Variants in SCFD1 observed in about 807,000 individuals in gnomAD.
SCFD1 encodes sec1 family domain-containing protein 1.
In SCFD1, 37 loss-of-function variants were observed where a neutral mutation model predicts 103.2. That is an observed-to-expected ratio of 0.36 (90% CI 0.28 to 0.47). The LOEUF is 0.47. Among genes scored for constraint, SCFD1 ranks in the 20% least tolerant of loss-of-function variants. The pLI, the probability that SCFD1 is intolerant of heterozygous loss-of-function variation, is 1.00. For synonymous variants in SCFD1, 264 were observed against 245.0 expected (o/e 1.08, Z -0.73); for missense variants, 639 against 761.2 (o/e 0.84, Z 1.89).
rs1421112658 is a variant in SCFD1, at chr14:30,721,885, T to C, written c.1738T>C (p.Ser580Pro). The C allele has an allele frequency of 1.2e-6, 2 of 1,608,394 alleles. No individual in the cohort carries two copies. Among genetic ancestry groups the C allele is most frequent in the Non-Finnish European group, 1.7e-6 (2 of 1,176,174 alleles). ...CATTACGGTTTTTCTTTATTACAGC[T>C]CAGTTCCCAGAAATAAAAATCCATT... Reference protein sequence around the residue: ...DPKMLRGNDSSVPRNKNPFQE... With the variant: ...DPKMLRGNDSPVPRNKNPFQE... The change falls in exon 22 of 25, where the codon TCA becomes CCA. Residue 580 changes from serine to proline, a missense_variant and splice_region_variant. Coordinates refer to ENST00000458591, the MANE Select transcript of SCFD1 (RefSeq NM_016106.4).
intron 15 of SCFD1, among the ~76,000 whole-genome samples, chr14:30,695,447 G>T (rs555642999): frequency 6.6e-6 from 1 of 152,134 alleles, no homozygotes; most frequent in Non-Finnish European, 1.5e-5. Flanking sequence ...TCTCACTCAT[G>T]TGGAAGCTTA....
intron 4 of SCFD1, 65 bp from the exon 5 acceptor site, chr14:30,638,060 G>T: frequency 6.9e-7 from 1 of 1,444,560 alleles, no homozygotes; most frequent in South Asian, 1.5e-5. Context: ...CCTTATAGTA[G>T]TTGAAACATA....
chr14:30,661,014 A>G (rs74041103), intron 10 of SCFD1, among the ~76,000 whole-genome samples: 7,544 of 152,184 alleles, frequency 0.05, 617 homozygotes, highest in African/African-American at 0.17. Flanking sequence ...AGTCTGGGCT[A>G]TTAGCGCTGT....
rs1419358610 is a variant in SCFD1 at position 30,694,863 on chromosome 14, C to T, written c.1333C>T (p.Pro445Ser). ...ATCTCTTCTAGATATAATATCAGAC[C>T]CTGATGGTATGTACCAAAAATTTGA... The part of the protein sequence containing the change: ...DKSLLDIISD[P>S]DAGTPEDKMR... The change falls in exon 15 of 25, where the codon CCT becomes TCT. Residue 445 changes from proline (P) to serine (S), a missense_variant. Pro to Ser is a moderately conservative substitution (Grantham distance 74). Coordinates refer to ENST00000458591, the MANE Select transcript of SCFD1 (RefSeq NM_016106.4). 1.3e-6 allele frequency: 2 copies of T among 1,578,528 alleles called. No homozygotes were observed. The highest frequency in any genetic ancestry group is 1.2e-5 in the South Asian group (1 of 83,436).
At chr14:30,634,638 T>C (rs1229866395) in intron 4 of SCFD1, among the ~76,000 whole-genome samples, 3 of 152,146 alleles carry the variant, frequency 2.0e-5, no homozygotes, top group Non-Finnish European at 2.9e-5. Flanking sequence ...TTCTAACTTA[T>C]ATAGGGTTTT....
At chr14:30,703,877 G>T in intron 17 of SCFD1, among the ~76,000 whole-genome samples, 1 of 112,664 alleles carries the variant, frequency 8.9e-6, no homozygotes, top group South Asian at 3.1e-4. Context: ...AAGTGTTTTG[G>T]ATTTTTGATT....
At chr14:30,703,711 A>G (rs1047633169) in intron 17 of SCFD1, among the ~76,000 whole-genome samples, 3 of 150,636 alleles carry the variant, frequency 2.0e-5, no homozygotes, top group Admixed American at 2.0e-4. Flanking sequence ...TTTATTATCT[A>G]TACTTTTGAC....
intron 14 of SCFD1, chr14:30,676,620 G>A (rs183313713): frequency 9.9e-5 from 15 of 152,244 alleles, no homozygotes; most frequent in African/African-American, 2.4e-4. Flanking sequence ...AAGGCCCTAC[G>A]ACAAACAAAT....
At chr14:30,700,687 GA>G (rs1231769719) in intron 16 of SCFD1, among the ~76,000 whole-genome samples, 1 of 151,348 alleles carries the variant, frequency 6.6e-6, no homozygotes, top group African/African-American at 2.4e-5. Context: ...TAAAATAAAA[GA>G]AAAAAAAGAA....
At chr14:30,693,388 G>T (rs1193734929) in intron 14 of SCFD1, among the ~76,000 whole-genome samples, 1 of 152,144 alleles carries the variant, frequency 6.6e-6, no homozygotes, top group African/African-American at 2.4e-5. Context: ...CTCAGTATAT[G>T]TCTTTTTATG....
At chr14:30,705,654 T>A (rs895788036) in intron 17 of SCFD1, among the ~76,000 whole-genome samples, 169 bp from the exon 18 acceptor site, 2 of 152,074 alleles carry the variant, frequency 1.3e-5, no homozygotes, top group African/African-American at 2.4e-5. Context: ...ATAATAATAA[T>A]TCAGTGTTTT....
intron 2 of SCFD1, 88 bp downstream of exon 2, chr14:30,628,367 A>G (rs1883743702): frequency 5.1e-6 from 4 of 777,282 alleles, no homozygotes; most frequent in Non-Finnish European, 8.7e-6. Flanking sequence ...AATATGGAAG[A>G]AGTAACACAT....
intron 13 of SCFD1, 70 bp from the exon 14 acceptor site, chr14:30,674,914 A>C: frequency 1.2e-6 from 1 of 814,984 alleles, no homozygotes; most frequent in Non-Finnish European, 1.9e-6. Flanking sequence ...GGGAAACACC[A>C]GGCATGAGAT....
chr14:30,708,224 G>A (rs1220058865), intron 19 of SCFD1, among the ~76,000 whole-genome samples, 159 bp downstream of exon 19: 1 of 152,074 alleles, frequency 6.6e-6, no homozygotes, highest in Non-Finnish European at 1.5e-5. Flanking sequence ...TACATGTGCA[G>A]GGTGTGCTGG....
chr14:30,627,142 CGAA>C (rs530640295), intron 1 of SCFD1, among the ~76,000 whole-genome samples: 23 of 152,052 alleles, frequency 1.5e-4, no homozygotes, highest in Non-Finnish European at 2.8e-4. Context: ...CTCAGTTTCA[CGAA>C]GAAGTATATT....
chr14:30,706,819 T>C (rs1360810966), intron 18 of SCFD1, among the ~76,000 whole-genome samples: 1 of 152,204 alleles, frequency 6.6e-6, no homozygotes, highest in East Asian at 1.9e-4. Context: ...ACTGAGTAAC[T>C]GGTTTTAATG....
chr14:30,696,124 T>C (rs2139318243), intron 15 of SCFD1, among the ~76,000 whole-genome samples: 1 of 152,282 alleles, frequency 6.6e-6, no homozygotes. Flanking sequence ...ATTATGGTTT[T>C]TGAGTTATAG....
intron 10 of SCFD1, among the ~76,000 whole-genome samples, chr14:30,660,579 TTCC>T (rs1035500711): frequency 3.3e-5 from 5 of 152,294 alleles, no homozygotes; most frequent in Admixed American, 3.3e-4. Context: ...TTTTCTGTTA[TTCC>T]TCCTCCATCT....
intron 21 of SCFD1, among the ~76,000 whole-genome samples, chr14:30,720,355 A>G (rs1892569745): frequency 6.6e-6 from 1 of 152,210 alleles, no homozygotes; most frequent in South Asian, 2.1e-4. Flanking sequence ...TTAGACAGTG[A>G]TGGTTGTACA....
Sources: allele counts gnomAD v4.1 joint callset (sites outside exome capture counted in the v4.1 genomes callset), GRCh38; gene constraint gnomAD v4.1.1; transcripts MANE v1.5; gene names NCBI Gene and HGNC (gene_info 2026-07-23, HGNC 2026-07-21).